METTL21C: variants seen among roughly 807,000 people sequenced by gnomAD.
METTL21C encodes the protein methyltransferase 21C, AARS1 lysine.
METTL21C carries 21 observed loss-of-function variants against 25.9 expected under a neutral mutation model. The ratio of observed to expected loss-of-function variants is 0.81; its 90% CI spans 0.58 to 1.17. The LOEUF (loss-of-function observed/expected upper bound fraction) is 1.17, where lower values mean the gene tolerates loss of function less well. Among genes scored for constraint, METTL21C ranks in the 50% most tolerant of loss-of-function variants. METTL21C has a pLI of 0.00. For missense variants in METTL21C, 312 were observed against 315.1 expected (o/e 0.99, Z 0.07); for synonymous variants, 125 against 124.7 (o/e 1.00, Z -0.01).
At chr13:102,699,122 G>T (rs550063908), upstream of METTL21C, among the ~76,000 whole-genome samples, 1 of 152,088 alleles carries the variant, frequency 6.6e-6, no homozygotes, top group Non-Finnish European at 1.5e-5. Context: ...AGGGATGCAG[G>T]GCCATAACCC....
At chr13:102,702,216 G>T in the METTL21C span, among the ~76,000 whole-genome samples, 125 of 144,696 alleles carry the variant, frequency 8.6e-4, no homozygotes, top group African/African-American at 3.5e-3. Flanking sequence ...TGTAGAGAGA[G>T]AGAGAGAGAG....
In METTL21C at chr13:102,686,276, C is replaced by A; in HGVS notation, c.550G>T (p.Ala184Ser). ...EDLDKNFPKS[A>S]FYYDYVLASD... is the part of the protein sequence containing the mutation. ...GCTAGGACGTAATCATAGTAAAAAG[C>A]TGACTTGGGAAAGTTTTTGTCCAGG... Residue 184 changes from alanine to serine, a missense_variant, in exon 4 of 4, where the codon GCT (alanine) becomes TCT (serine). Ala to Ser is a moderately conservative substitution (Grantham distance 99). Transcript: ENST00000267273. 6.2e-7 allele frequency: 1 copy of A among 1,614,200 alleles called. No homozygotes were observed. Among genetic ancestry groups the A allele is most frequent in the Non-Finnish European group, 8.5e-7 (1 of 1,180,040 alleles).
At chr13:102,703,085 T>C in the METTL21C span, among the ~76,000 whole-genome samples, 2 of 152,216 alleles carry the variant, frequency 1.3e-5, no homozygotes, top group East Asian at 1.9e-4. Flanking sequence ...AATACTCTCA[T>C]TGCAGTGGGA....
chr13:102,696,615 T>C (rs1297277683), upstream of METTL21C, among the ~76,000 whole-genome samples: 1 of 151,982 alleles, frequency 6.6e-6, no homozygotes, highest in Non-Finnish European at 1.5e-5. Flanking sequence ...CAGAGCTCTA[T>C]TGCCTGGAGC....
rs1172725429 is a variant in METTL21C at position 102,686,173 on chromosome 13, A to G, written c.653T>C (p.Val218Ala). The G allele has an allele frequency of 6.2e-7, 1 of 1,614,202 alleles. No individual in the cohort carries two copies. Among genetic ancestry groups the G allele is most frequent in the Non-Finnish European group, 8.5e-7 (1 of 1,180,032 alleles). ...TMVYLSQPGT[V>A]LLWANKFRFS... ...CCTGAATTTGTTTGCCCAAAGCAGC[A>G]CCGTCCCTGGCTGGGAAAGGTACAC... is the stretch of plus-strand genomic sequence containing the variant. The change falls in exon 4 of 4, where the codon GTG (valine) becomes GCG (alanine). Residue 218 changes from valine to alanine, a missense_variant. Transcript: ENST00000267273.
chr13:102,690,438 A>AG (rs71292826), intron 2 of METTL21C, among the ~76,000 whole-genome samples: 14,582 of 150,850 alleles, frequency 0.097, 855 homozygotes, highest in East Asian at 0.23. Context: ...AAAAAAAAAA[A>AG]AGAGAGAGAT....
Position 102,686,999 on chromosome 13 carries a change from G to A in METTL21C, c.341C>T (p.Ala114Val), listed in dbSNP as rs200140305. Residue 114 changes from alanine (A) to valine (V), a missense_variant, in exon 3 of 4, where the codon GCA (alanine) becomes GTA (valine). Transcript: ENST00000267273. ...EHAEELNFQD[A>V]KILEIGAGPG... ...TCCGGCACCAATTTCAAGTATTTTT[G>A]CATCTTGGAAATTCAATTCCTCGGC... is the stretch of plus-strand genomic sequence containing the variant. The A allele has an allele frequency of 2.5e-6, 4 of 1,614,134 alleles. No individual in the cohort carries two copies. The highest frequency in any genetic ancestry group is 3.4e-6 in the Non-Finnish European group (4 of 1,179,996).
intron 1 of METTL21C, among the ~76,000 whole-genome samples, chr13:102,693,179 G>A (rs930088007): frequency 2.0e-5 from 3 of 152,180 alleles, no homozygotes; most frequent in African/African-American, 7.2e-5. Context: ...TTAACCTCGA[G>A]AGCATAGATA....
At chr13:102,690,161 T>C (rs1310141746) in intron 2 of METTL21C, among the ~76,000 whole-genome samples, 2 of 152,146 alleles carry the variant, frequency 1.3e-5, no homozygotes, top group Admixed American at 6.5e-5. Flanking sequence ...TGGTTCACGC[T>C]TGTAATCCCA....
intron 3 of METTL21C, 22 bp from the exon 4 acceptor site, chr13:102,686,447 G>A (rs1885676375): frequency 6.3e-7 from 1 of 1,591,542 alleles, no homozygotes; most frequent in South Asian, 1.2e-5. Flanking sequence ...AGAAAACAAT[G>A]ACCTGGAAAC....
At chr13:102,687,610 T>C (rs1885710626) in intron 2 of METTL21C, among the ~76,000 whole-genome samples, 2 of 152,168 alleles carry the variant, frequency 1.3e-5, no homozygotes, top group Non-Finnish European at 2.9e-5. Flanking sequence ...AACAGACAGT[T>C]CAGAAACTGC....
Position 102,686,180 on chromosome 13 carries a change from C to T in METTL21C, c.646G>A (p.Gly216Arg), listed in dbSNP as rs74448673. 2 of 1,614,188 alleles carry T rather than the reference C, an allele frequency of 1.2e-6. No individual in the cohort carries two copies. Among genetic ancestry groups the T allele is most frequent in the Non-Finnish European group, 1.7e-6 (2 of 1,180,038 alleles). The change falls in exon 4 of 4, where the codon GGG becomes AGG. Residue 216 changes from glycine to arginine, a missense_variant. Transcript: ENST00000267273. ...TTGTTTGCCCAAAGCAGCACCGTCCCTGGCTGGGAAAGGTACACCATGGTG... is the reference window on the plus strand; with the variant it reads ...TTGTTTGCCCAAAGCAGCACCGTCCTTGGCTGGGAAAGGTACACCATGGTG... ...LTTMVYLSQP[G>R]TVLLWANKFR...
rs781756632 is a variant in METTL21C, at chr13:102,690,828, C to T, written c.267G>A (p.Ala89=). Residue 89 remains alanine (A), a synonymous_variant, in exon 2 of 4, where the codon GCG becomes GCA. Coordinates refer to ENST00000267273, the MANE Select transcript of METTL21C (RefSeq NM_001010977.3). ...VIQESIESYG[A]VVWPGAMALC... The stretch of plus-strand genomic sequence containing the variant: ...GTTCTCTCACCCCTGGCCACACCAC[C>T]GCTCCGTAACTCTCTATGGATTCCT... 2.3e-5 allele frequency: 37 copies of T among 1,613,960 alleles called. No homozygotes were observed. The Admixed American group carries it at 3.3e-4, about 15-fold the overall frequency.
In METTL21C at chr13:102,686,174, C is replaced by T; in HGVS notation, c.652G>A (p.Val218Met). The stretch of plus-strand genomic sequence containing the variant: ...CTGAATTTGTTTGCCCAAAGCAGCA[C>T]CGTCCCTGGCTGGGAAAGGTACACC... The part of the protein sequence containing the change: ...TMVYLSQPGT[V>M]LLWANKFRFS... The change falls in exon 4 of 4, where the codon GTG (valine) becomes ATG (methionine). Residue 218 changes from valine (V) to methionine (M), a missense_variant. By Grantham distance (21) the Val-to-Met change is conservative. Coordinates refer to ENST00000267273, the MANE Select transcript of METTL21C (RefSeq NM_001010977.3). 1 of 1,614,182 alleles carries T rather than the reference C, an allele frequency of 6.2e-7. No homozygotes were observed.
chr13:102,687,368 C>T (rs1046437217), intron 2 of METTL21C, among the ~76,000 whole-genome samples: 3 of 152,232 alleles, frequency 2.0e-5, no homozygotes, highest in African/African-American at 7.2e-5. Context: ...AGAACAGCAA[C>T]TCCTTCCACT....
Position 102,690,869 on chromosome 13 carries a change from T to C in METTL21C, c.226A>G (p.Lys76Glu). Residue 76 changes from lysine (K) to glutamate (E), a missense_variant, in exon 2 of 4, where the codon AAG becomes GAG. Transcript: ENST00000267273. ...YTQEHYRFAG[K>E]EIVIQESIES... ...ATGGATTCCTGGATGACAATCTCCTTTCCTGCAAACCGATAATGCTCCTGA... is the reference window on the plus strand; with the variant it reads ...ATGGATTCCTGGATGACAATCTCCTCTCCTGCAAACCGATAATGCTCCTGA... 1.2e-6 allele frequency: 2 copies of C among 1,614,162 alleles called. No homozygotes were observed. The highest frequency in any genetic ancestry group is 4.5e-5 in the East Asian group (2 of 44,866).
intron 2 of METTL21C, among the ~76,000 whole-genome samples, chr13:102,690,541 G>A (rs1885803072): frequency 6.6e-6 from 1 of 151,962 alleles, no homozygotes; most frequent in South Asian, 2.1e-4. Context: ...ATTTATACAA[G>A]TTTTGCATTC....
intron 1 of METTL21C, 133 bp downstream of exon 1, chr13:102,694,236 G>T: frequency 2.1e-6 from 2 of 968,430 alleles, no homozygotes; most frequent in South Asian, 1.6e-5. Context: ...ACATTTTTCT[G>T]CTAAGCTTCA....
chr13:102,703,555 A>ATAGT, the METTL21C span, among the ~76,000 whole-genome samples: 2 of 152,172 alleles, frequency 1.3e-5, no homozygotes, highest in African/African-American at 2.4e-5. Context: ...AATCGCAAAG[A>ATAGT]TAGTTCTTGG....
Sources: allele counts gnomAD v4.1 joint callset (sites outside exome capture counted in the v4.1 genomes callset), GRCh38; gene constraint gnomAD v4.1.1; transcripts MANE v1.5; gene names NCBI Gene and HGNC (gene_info 2026-07-23, HGNC 2026-07-21).